Variants in E2F5 observed in about 807,000 individuals in gnomAD.
E2F5 encodes transcription factor E2F5.
Under a neutral mutation model 39.1 loss-of-function variants are expected in E2F5, and 23 were observed. The observed-to-expected ratio is 0.59, with a 90% CI of 0.42 to 0.83. The LOEUF is 0.83. Among genes scored for constraint, E2F5 ranks in the 40% least tolerant of loss-of-function variants. E2F5 has a pLI of 0.00. For synonymous variants in E2F5, 145 were observed against 157.8 expected (o/e 0.92, Z 0.61); for missense variants, 365 against 406.7 (o/e 0.90, Z 0.88).
intron 5 of E2F5, among the ~76,000 whole-genome samples, chr8:85,208,219 T>C (rs1388747647): frequency 6.6e-6 from 1 of 152,100 alleles, no homozygotes; most frequent in East Asian, 1.9e-4. Flanking sequence ...TCCCAGCTAC[T>C]TGGGAGGCTG....
intron 1 of E2F5, among the ~76,000 whole-genome samples, chr8:85,192,864 G>A (rs1812494055): frequency 6.6e-6 from 1 of 152,204 alleles, no homozygotes; most frequent in Admixed American, 6.5e-5. Flanking sequence ...AATATTTAGT[G>A]CCCTTGGGCA....
intron 1 of E2F5, among the ~76,000 whole-genome samples, chr8:85,183,176 C>T (rs200919728): frequency 2.0e-5 from 3 of 152,070 alleles, no homozygotes; most frequent in Admixed American, 1.3e-4. Flanking sequence ...GGTGTGAACC[C>T]GGGAGGCGGA....
chr8:85,209,496 A>G, intron 6 of E2F5, 87 bp downstream of exon 6: 2 of 1,431,706 alleles, frequency 1.4e-6, no homozygotes. Flanking sequence ...TTGTGACCAG[A>G]AATGTCCCAA....
intron 2 of E2F5, 32 bp downstream of exon 2, chr8:85,202,288 C>T (rs1475887130): frequency 9.4e-7 from 1 of 1,060,972 alleles, no homozygotes; most frequent in East Asian, 2.6e-5. Flanking sequence ...TCTTCTGAAA[C>T]CTTTTTTCTT....
At chr8:85,184,231 A>G (rs1160998253) in intron 1 of E2F5, among the ~76,000 whole-genome samples, 2 of 152,206 alleles carry the variant, frequency 1.3e-5, no homozygotes, top group Non-Finnish European at 2.9e-5. Context: ...ACGCAAATCA[A>G]TAAATCCATC....
At chr8:85,212,365 C>T in intron 7 of E2F5, 161 bp downstream of exon 7, 2 of 557,370 alleles carry the variant, frequency 3.6e-6, no homozygotes, top group South Asian at 4.7e-5. Context: ...TAATAGGCAA[C>T]CTTCAGAATT....
chr8:85,210,686 A>G (rs922953805), intron 6 of E2F5, among the ~76,000 whole-genome samples: 2 of 152,070 alleles, frequency 1.3e-5, no homozygotes, highest in African/African-American at 4.8e-5. Flanking sequence ...AAAAAAAAAA[A>G]AAAAGAAAAT....
At chr8:85,181,420 T>C (rs906929799) in intron 1 of E2F5, among the ~76,000 whole-genome samples, 3 of 151,150 alleles carry the variant, frequency 2.0e-5, no homozygotes, top group Admixed American at 1.3e-4. Flanking sequence ...AAGCTCCGCC[T>C]CCTGGGTTCA....
At chr8:85,182,903 G>C (rs1346060969) in intron 1 of E2F5, among the ~76,000 whole-genome samples, 1 of 152,136 alleles carries the variant, frequency 6.6e-6, no homozygotes, top group Admixed American at 6.5e-5. Context: ...GGTCCCTGAT[G>C]CATACCCGTT....
chr8:85,209,843 CAACT>C, intron 6 of E2F5, among the ~76,000 whole-genome samples: 1 of 152,082 alleles, frequency 6.6e-6, no homozygotes. Context: ...AAATATGTTC[CAACT>C]ATCTTTAAGT....
chr8:85,186,717 G>A (rs1812347698), intron 1 of E2F5, among the ~76,000 whole-genome samples: 1 of 145,828 alleles, frequency 6.9e-6, no homozygotes, highest in African/African-American at 2.5e-5. Flanking sequence ...GTATATATAA[G>A]GTGTATATAT....
chr8:85,200,219 C>A, intron 1 of E2F5: 2 of 756,840 alleles, frequency 2.6e-6, no homozygotes, highest in Non-Finnish European at 3.2e-6. Flanking sequence ...TGCACTCCAG[C>A]TTCGGCAAGA....
chr8:85,177,813 T>G, intron 1 of E2F5, 159 bp downstream of exon 1: 1 of 1,131,804 alleles, frequency 8.8e-7, no homozygotes, highest in Non-Finnish European at 1.1e-6. Flanking sequence ...GCCCGGGTCG[T>G]GGACGCCGGG....
At chr8:85,184,109 G>A (rs1014226127) in intron 1 of E2F5, among the ~76,000 whole-genome samples, 3 of 152,064 alleles carry the variant, frequency 2.0e-5, no homozygotes, top group Non-Finnish European at 2.9e-5. Context: ...GATGAACGTC[G>A]ATGCAAAAAT....
chr8:85,202,096 A>T, intron 1 of E2F5, 51 bp from the exon 2 acceptor site: 1 of 1,485,068 alleles, frequency 6.7e-7, no homozygotes, highest in Non-Finnish European at 9.3e-7. Context: ...TTTTGGCTTT[A>T]AAATATGACT....
intron 3 of E2F5, 40 bp from the exon 4 acceptor site, chr8:85,206,137 G>T: frequency 1.3e-6 from 2 of 1,593,228 alleles, no homozygotes; most frequent in Non-Finnish European, 1.7e-6. Context: ...AATGCCTACG[G>T]CTTGATATAA....
At chr8:85,180,506 C>CTATA (rs1812181927) in intron 1 of E2F5, among the ~76,000 whole-genome samples, 3 of 62,470 alleles carry the variant, frequency 4.8e-5, no homozygotes, top group Non-Finnish European at 8.6e-5. Context: ...GTTAAAGAAA[C>CTATA]TATACATATA....
At chr8:85,195,545 A>C (rs1812562013) in intron 1 of E2F5, among the ~76,000 whole-genome samples, 1 of 152,106 alleles carries the variant, frequency 6.6e-6, no homozygotes, top group South Asian at 2.1e-4. Context: ...GCTAGAGTGC[A>C]GTGGTGCAGT....
chr8:85,214,044 T>C lies in E2F5; in HGVS notation c.*182T>C, dbSNP rs551971969. 4.9e-5 allele frequency: 29 copies of C among 590,992 alleles called. No individual in the cohort carries two copies. Among genetic ancestry groups the C allele is most frequent in the Non-Finnish European group, 7.8e-5 (26 of 333,948 alleles). 36.6% of individuals were successfully genotyped at this position (590,992 alleles called of 1,614,324 possible). Reference sequence around the variant, plus strand: ...CAACCATAAAAACAAAGGGCTCTGATTGCTTTAGGGGATAAGTGATTTAAT... The same window carrying C: ...CAACCATAAAAACAAAGGGCTCTGACTGCTTTAGGGGATAAGTGATTTAAT... On this transcript the variant is annotated 3_prime_UTR_variant, in exon 8 of 8. Coordinates refer to ENST00000416274, the MANE Select transcript of E2F5 (RefSeq NM_001951.4).
Sources: gnomAD v4.1 joint callset for allele counts (sites outside exome capture counted in the v4.1 genomes callset) on GRCh38, gnomAD v4.1.1 for gene constraint, MANE v1.5 for transcripts, NCBI Gene and HGNC (gene_info 2026-07-23, HGNC 2026-07-21) for gene names.